The following METAP1D variants were observed in gnomAD, a reference collection of about 807,000 sequenced individuals.
METAP1D encodes methionyl aminopeptidase type 1D, mitochondrial, also known as methionine aminopeptidase 1D, mitochondrial.
METAP1D carries 31 observed loss-of-function variants against 40.5 expected under a neutral mutation model. The ratio of observed to expected loss-of-function variants is 0.77; its 90% CI spans 0.58 to 1.03. The LOEUF (loss-of-function observed/expected upper bound fraction) is 1.03, where lower values mean the gene tolerates loss of function less well. METAP1D is among the 50% of genes least tolerant of loss of function. METAP1D has a pLI of 0.00. For missense variants in METAP1D, 411 were observed against 420.7 expected (o/e 0.98, Z 0.20); for synonymous variants, 151 against 146.4 (o/e 1.03, Z -0.22).
chr2:172,078,071 G>T (rs1201666444), intron 7 of METAP1D, among the ~76,000 whole-genome samples, 177 bp downstream of exon 7: 1 of 152,028 alleles, frequency 6.6e-6, no homozygotes, highest in Non-Finnish European at 1.5e-5. Flanking sequence ...ACATTACTGT[G>T]TTACTGGATT....
At chr2:172,041,806 T>TG (rs1414961132) in intron 1 of METAP1D, among the ~76,000 whole-genome samples, 836 of 66,604 alleles carry the variant, frequency 0.013, 103 homozygotes, top group African/African-American at 0.026. Flanking sequence ...TATATATAGT[T>TG]TTTTTTTTTT....
intron 8 of METAP1D, 127 bp downstream of exon 8, chr2:172,079,389 C>A: frequency 1.2e-6 from 1 of 820,594 alleles, no homozygotes; most frequent in Non-Finnish European, 2.0e-6. Flanking sequence ...TTCGGATGCA[C>A]TGGAAATCTG....
At chr2:172,031,451 T>C (rs1689240352) in intron 1 of METAP1D, among the ~76,000 whole-genome samples, 1 of 152,170 alleles carries the variant, frequency 6.6e-6, no homozygotes, top group Non-Finnish European at 1.5e-5. Context: ...ATAAAATGTT[T>C]AGTTAGAGGG....
At position 172,042,337 on chromosome 2, in the gene METAP1D, G is replaced by GTGCATATA. The variant is rs1553493616; in HGVS notation, c.41-19160_41-19159insGCATATAT. ...TATATACATATGTATGTGTACATGT[G>GTGCATATA]TACATATATACATATATACATATGT... On this transcript the variant is annotated intron_variant, in intron 1 of 9. Coordinates refer to ENST00000315796, the MANE Select transcript of METAP1D (RefSeq NM_199227.3). Among the ~76,000 whole-genome samples, 6 of 7,974 alleles carry GTGCATATA rather than the reference G, an allele frequency of 7.5e-4. 3 individuals carry two copies. Among genetic ancestry groups the GTGCATATA allele is most frequent in the Non-Finnish European group, 1.8e-3 (6 of 3,304 alleles). The allele number at this position is 7,974 out of a possible 152,430, so 5.2% of individuals were successfully genotyped here. A position where few individuals can be genotyped will look rare whatever the true frequency, so the allele number is the denominator to read the frequency against.
chr2:171,999,978 G>C lies in METAP1D; in HGVS notation c.9G>C (p.Ala3=). Residue 3 remains alanine, a synonymous_variant, in exon 1 of 10, where the codon GCG becomes GCC. Transcript: ENST00000315796. The stretch of plus-strand genomic sequence containing the variant: ...ACGTGACCGACGCCAACATGGCGGC[G>C]CCCAGTGGCGTCCACCTGCTCGTCC... MA[A]PSGVHLLVRR... 1.5e-6 allele frequency: 2 copies of C among 1,352,814 alleles called. No homozygotes were observed. The highest frequency in any genetic ancestry group is 1.9e-6 in the Non-Finnish European group (2 of 1,045,742). 83.8% of individuals were successfully genotyped at this position (1,352,814 alleles called of 1,614,324 possible).
At chr2:172,006,971 G>T (rs2105372946) in intron 1 of METAP1D, among the ~76,000 whole-genome samples, 1 of 151,974 alleles carries the variant, frequency 6.6e-6, no homozygotes, top group South Asian at 2.1e-4. Flanking sequence ...TCCATTTCTT[G>T]TTGAGATTTC....
At chr2:172,026,385 T>C (rs1689120738) in intron 1 of METAP1D, among the ~76,000 whole-genome samples, 1 of 152,240 alleles carries the variant, frequency 6.6e-6, no homozygotes, top group African/African-American at 2.4e-5. Context: ...TAGCGTCTTG[T>C]ACATCTTTCA....
At chr2:172,064,325 G>A (rs914795757) in intron 3 of METAP1D, 1 of 152,844 alleles carries the variant, frequency 6.5e-6, no homozygotes, top group Non-Finnish European at 1.5e-5. Context: ...TAATATAGCA[G>A]TGTAATTACA....
At chr2:172,071,966 T>G (rs1690430812) in intron 6 of METAP1D, among the ~76,000 whole-genome samples, 1 of 152,192 alleles carries the variant, frequency 6.6e-6, no homozygotes, top group African/African-American at 2.4e-5. Context: ...TTAAATGTAT[T>G]TATGGCTTTA....
In METAP1D at chr2:172,009,629, T is replaced by C. The variant is rs1471890273; in HGVS notation, c.40+9620T>C. On this transcript the variant is annotated intron_variant, in intron 1 of 9. Transcript: ENST00000315796. ...ATTGACAGAAGTAGCATTTCTAATA[T>C]ATGGAATTTAAGAAACTCTTACTAT... 3.9e-5 allele frequency among the ~76,000 whole-genome samples: 6 copies of C among 152,188 alleles called. No homozygotes were observed. In the East Asian group the frequency reaches 1.2e-3, roughly 29 times the overall value.
intron 1 of METAP1D, among the ~76,000 whole-genome samples, chr2:172,045,697 A>ATGTGTG (rs1484116141): frequency 4.6e-5 from 3 of 65,920 alleles, no homozygotes; most frequent in African/African-American, 1.1e-4. Flanking sequence ...TCATTCATAT[A>ATGTGTG]TATGTGTGTG....
intron 8 of METAP1D, among the ~76,000 whole-genome samples, chr2:172,079,814 T>G (rs1002880837): frequency 1.3e-5 from 2 of 152,234 alleles, no homozygotes; most frequent in African/African-American, 4.8e-5. Context: ...TAAGAGGGAC[T>G]GGTGTTTGGG....
At chr2:172,033,804 G>A (rs1359799262) in intron 1 of METAP1D, among the ~76,000 whole-genome samples, 1 of 151,874 alleles carries the variant, frequency 6.6e-6, no homozygotes, top group African/African-American at 2.4e-5. Flanking sequence ...ATCACAGGCC[G>A]GGTATGGTGG....
chr2:172,006,189 T>G (rs989568632), intron 1 of METAP1D, among the ~76,000 whole-genome samples: 9 of 19,896 alleles, frequency 4.5e-4, no homozygotes, highest in African/African-American at 1.6e-3. Context: ...AGTTTTTGTT[T>G]TTTTTTTTTT....
intron 4 of METAP1D, 82 bp from the exon 5 acceptor site, chr2:172,066,182 A>T: frequency 8.9e-7 from 1 of 1,122,302 alleles, no homozygotes; most frequent in Non-Finnish European, 1.3e-6. Context: ...TGGGTTTGTG[A>T]CAGTAGTCAT....
At chr2:172,065,315 C>G (rs1690246599) in intron 3 of METAP1D, among the ~76,000 whole-genome samples, 1 of 152,090 alleles carries the variant, frequency 6.6e-6, no homozygotes, top group African/African-American at 2.4e-5. Flanking sequence ...AATCCTCAGG[C>G]CAAAAGGGAG....
intron 1 of METAP1D, among the ~76,000 whole-genome samples, chr2:172,010,531 T>C (rs1030066712): frequency 2.8e-5 from 4 of 140,692 alleles, no homozygotes; most frequent in South Asian, 2.5e-4. Flanking sequence ...TCTCACTCTG[T>C]CACGCAAGCT....
At chr2:172,032,317 G>A (rs1205424225) in intron 1 of METAP1D, among the ~76,000 whole-genome samples, 1 of 152,102 alleles carries the variant, frequency 6.6e-6, no homozygotes, top group Non-Finnish European at 1.5e-5. Context: ...CTGTTTTACT[G>A]GATTCTGATT....
Position 172,042,190 on chromosome 2 carries a change from TGTGTACAC to T in METAP1D, c.41-19307_41-19300del, listed in dbSNP as rs1251848307. ...ACACATATACATATGTATGTGTACA[TGTGTACAC>T]ATATACATATGTATGTGTACATGTG... On this transcript the variant is annotated intron_variant, in intron 1 of 9. Coordinates refer to ENST00000315796, the MANE Select transcript of METAP1D (RefSeq NM_199227.3). Among the ~76,000 whole-genome samples the T allele has an allele frequency of 3.8e-5, 3 of 78,426 alleles. 1 individual carries two copies. Among genetic ancestry groups the T allele is most frequent in the Non-Finnish European group, 6.3e-5 (2 of 31,796 alleles). The allele number at this position is 78,426 out of a possible 152,430, so 51.5% of individuals were successfully genotyped here.
Sources: gnomAD v4.1 joint callset for allele counts (sites outside exome capture counted in the v4.1 genomes callset) on GRCh38, gnomAD v4.1.1 for gene constraint, MANE v1.5 for transcripts, NCBI Gene and HGNC (gene_info 2026-07-23, HGNC 2026-07-21) for gene names.